Variants in STK33 observed in about 807,000 individuals in gnomAD.
The protein encoded by STK33 is serine/threonine kinase 33.
STK33 carries 52 observed loss-of-function variants against 58.0 expected under a neutral mutation model. That is an observed-to-expected ratio of 0.90 (90% CI 0.72 to 1.13). STK33 has a LOEUF of 1.13. Ranked by LOEUF, STK33 falls within the 50% of genes most tolerant of loss-of-function variation. STK33 has a pLI of 0.00. For synonymous variants in STK33, 215 were observed against 200.1 expected (o/e 1.07, Z -0.63); for missense variants, 630 against 604.2 (o/e 1.04, Z -0.45).
At chr11:8,394,681 A>C (rs1241109101) in intron 15 of STK33, among the ~76,000 whole-genome samples, 2 of 152,150 alleles carry the variant, frequency 1.3e-5, no homozygotes, top group Non-Finnish European at 2.9e-5. Flanking sequence ...TCTTTTTCCC[A>C]AAAACGCTAC....
Position 8,464,958 on chromosome 11 carries a change from A to G in STK33, c.340-136T>C, listed in dbSNP as rs1427167979. 5.7e-6 allele frequency: 3 copies of G among 523,896 alleles called. No homozygotes were observed. The Admixed American group carries it at 1.0e-4, about 18-fold the overall frequency. The allele number at this position is 523,896 out of a possible 1,614,324, so 32.5% of individuals were successfully genotyped here. On this transcript the variant is annotated intron_variant, in intron 6 of 15. Coordinates refer to ENST00000687296, the MANE Select transcript of STK33 (RefSeq NM_001352389.2). ...GTTAAAATCAAATAGAAGACACTAT[A>G]TATTTGCTTCAATATTAATAAACAC...
chr11:8,397,609 G>A (rs1191612359), intron 15 of STK33, among the ~76,000 whole-genome samples: 2 of 152,174 alleles, frequency 1.3e-5, no homozygotes, highest in East Asian at 1.9e-4. Context: ...AAAGCTGGAC[G>A]GAGAATGACT....
At chr11:8,459,787 G>A (rs1374959544) in intron 8 of STK33, among the ~76,000 whole-genome samples, 1 of 152,132 alleles carries the variant, frequency 6.6e-6, no homozygotes, top group African/African-American at 2.4e-5. Context: ...ATGCTGTAGA[G>A]AGAGAAATCT....
rs777265855 is a variant in STK33, at chr11:8,542,899, C to T, written c.-466+51184G>A. Among the ~76,000 whole-genome samples, 9 of 152,014 alleles carry T rather than the reference C, an allele frequency of 5.9e-5. No homozygotes were observed. The South Asian group carries it at 1.2e-3, about 21-fold the overall frequency. ...TAATTATTGTATTTTTTTGTAGAAACGGGGTTTCGCCATGTTGCCCAGGCT... is the reference window on the plus strand; with the variant it reads ...TAATTATTGTATTTTTTTGTAGAAATGGGGTTTCGCCATGTTGCCCAGGCT... On this transcript the variant is annotated intron_variant, in intron 1 of 15. Transcript: ENST00000687296.
chr11:8,442,835 A>C (rs1267680752), intron 11 of STK33, among the ~76,000 whole-genome samples: 1 of 152,210 alleles, frequency 6.6e-6, no homozygotes, highest in Non-Finnish European at 1.5e-5. Context: ...CAAAATCATG[A>C]TGTAAGACAA....
At chr11:8,353,742 C>T in the STK33 span, among the ~76,000 whole-genome samples, 2 of 152,178 alleles carry the variant, frequency 1.3e-5, no homozygotes, top group African/African-American at 2.4e-5. Flanking sequence ...TTTACCCTTG[C>T]AGCCTGGATG....
chr11:8,549,758 T>C (rs1381577211), intron 1 of STK33, among the ~76,000 whole-genome samples: 1 of 152,180 alleles, frequency 6.6e-6, no homozygotes, highest in Non-Finnish European at 1.5e-5. Flanking sequence ...TTTTTCAATT[T>C]GTTGGCATAT....
chr11:8,534,067 G>A (rs1239050690), intron 1 of STK33, among the ~76,000 whole-genome samples: 2 of 152,078 alleles, frequency 1.3e-5, no homozygotes, highest in East Asian at 3.9e-4. Context: ...CTGAGGTCAG[G>A]AGTTCAAGAC....
intron 15 of STK33, among the ~76,000 whole-genome samples, chr11:8,402,533 T>A (rs1161767420): frequency 2.0e-5 from 3 of 152,126 alleles, no homozygotes; most frequent in Non-Finnish European, 2.9e-5. Flanking sequence ...AGTTAATGGG[T>A]GCAGCACACC....
chr11:8,584,905 G>A (rs1430941881), intron 1 of STK33, among the ~76,000 whole-genome samples: 2 of 149,062 alleles, frequency 1.3e-5, no homozygotes, highest in East Asian at 3.9e-4. Flanking sequence ...AAATGCTACA[G>A]ACAAAAGACA....
intron 1 of STK33, among the ~76,000 whole-genome samples, chr11:8,538,057 G>A (rs371418951): frequency 7.9e-5 from 12 of 152,028 alleles, no homozygotes; most frequent in African/African-American, 2.6e-4. Flanking sequence ...GCATGGTGGT[G>A]TGCACCTGTA....
intron 1 of STK33, among the ~76,000 whole-genome samples, chr11:8,571,065 A>G (rs1405671336): frequency 6.6e-6 from 1 of 152,192 alleles, no homozygotes; most frequent in Non-Finnish European, 1.5e-5. Flanking sequence ...GAAAGCAAAC[A>G]TGATGAGTTC....
At chr11:8,537,926 C>G (rs2140276849) in intron 1 of STK33, among the ~76,000 whole-genome samples, 1 of 151,788 alleles carries the variant, frequency 6.6e-6, no homozygotes, top group East Asian at 1.9e-4. Context: ...GTGGCTCATG[C>G]CTGTAATCCT....
At chr11:8,358,027 C>A in the STK33 span, among the ~76,000 whole-genome samples, 30 of 152,334 alleles carry the variant, frequency 2.0e-4, no homozygotes, top group African/African-American at 7.2e-4. Flanking sequence ...CATACAGGCT[C>A]CTGGTGTCAC....
At chr11:8,357,383 G>A in the STK33 span, among the ~76,000 whole-genome samples, 1 of 152,254 alleles carries the variant, frequency 6.6e-6, no homozygotes, top group African/African-American at 2.4e-5. Flanking sequence ...CCGTGATGGG[G>A]CTGGAGCTGG....
At chr11:8,356,353 G>T in the STK33 span, among the ~76,000 whole-genome samples, 4 of 152,178 alleles carry the variant, frequency 2.6e-5, no homozygotes, top group South Asian at 6.2e-4. Context: ...GGAAGGGGCT[G>T]TGGAGGGGGA....
intron 9 of STK33, among the ~76,000 whole-genome samples, chr11:8,456,976 A>C (rs1946932653): frequency 6.6e-6 from 1 of 152,140 alleles, no homozygotes; most frequent in African/African-American, 2.4e-5. Flanking sequence ...GTGAATCTAA[A>C]ACTGCTCTAA....
intron 14 of STK33, among the ~76,000 whole-genome samples, chr11:8,428,568 C>T (rs554100202): frequency 6.6e-6 from 1 of 152,334 alleles, no homozygotes; most frequent in East Asian, 1.9e-4. Context: ...GCAGGCCCTT[C>T]ACTGAGTGGT....
chr11:8,452,130 G>C (rs1370877018), intron 11 of STK33, among the ~76,000 whole-genome samples: 4 of 152,078 alleles, frequency 2.6e-5, no homozygotes, highest in African/African-American at 9.7e-5. Flanking sequence ...TTCAACCCAG[G>C]AGGCGGAGGT....
Sources: allele counts gnomAD v4.1 joint callset (sites outside exome capture counted in the v4.1 genomes callset), GRCh38; gene constraint gnomAD v4.1.1; transcripts MANE v1.5; gene names NCBI Gene and HGNC (gene_info 2026-07-23, HGNC 2026-07-21).